Variants in STRN3 observed in about 807,000 individuals in gnomAD.
STRN3 encodes the protein striatin-3.
Under a neutral mutation model 95.6 loss-of-function variants are expected in STRN3, and 29 were observed. That is an observed-to-expected ratio of 0.30 (90% CI 0.23 to 0.41). The LOEUF is 0.41. Among genes scored for constraint, STRN3 ranks in the 10% least tolerant of loss-of-function variants. The pLI is 1.00. For synonymous variants in STRN3, 331 were observed against 357.6 expected (o/e 0.93, Z 0.84); for missense variants, 890 against 972.1 (o/e 0.92, Z 1.12).
chr14:30,930,647 T>C (rs1566441925), intron 7 of STRN3, among the ~76,000 whole-genome samples: 1 of 152,154 alleles, frequency 6.6e-6, no homozygotes, highest in African/African-American at 2.4e-5. Context: ...ACACCTAAGA[T>C]TATCTATCTG....
intron 16 of STRN3, among the ~76,000 whole-genome samples, chr14:30,898,954 T>G (rs1896231981): frequency 6.6e-6 from 1 of 152,196 alleles, no homozygotes; most frequent in South Asian, 2.1e-4. Flanking sequence ...ACTTAACTTC[T>G]TTAAGCCCTT....
chr14:30,913,490 A>G, intron 10 of STRN3, 34 bp downstream of exon 10: 1 of 1,549,372 alleles, frequency 6.5e-7, no homozygotes, highest in East Asian at 2.3e-5. Context: ...CTTCTATTAA[A>G]TCATTAAAAA....
chr14:30,896,055 A>C (rs1896138830), intron 16 of STRN3, among the ~76,000 whole-genome samples: 1 of 152,136 alleles, frequency 6.6e-6, no homozygotes, highest in African/African-American at 2.4e-5. Flanking sequence ...CCTGACCACT[A>C]ATCGACTCTT....
At chr14:30,976,197 T>C (rs1287006448) in intron 1 of STRN3, among the ~76,000 whole-genome samples, 2 of 152,020 alleles carry the variant, frequency 1.3e-5, no homozygotes, top group East Asian at 3.8e-4. Flanking sequence ...ACACAGAAAA[T>C]AACAAAAAGT....
At chr14:30,895,626 TAA>T (rs1896122651) in intron 17 of STRN3, 34 bp downstream of exon 17, 1 of 1,610,642 alleles carries the variant, frequency 6.2e-7, no homozygotes, top group Non-Finnish European at 8.5e-7. Flanking sequence ...CAATCTTTTA[TAA>T]AGTTTGTGGG....
At chr14:30,988,969 G>A (rs1049102399) in intron 1 of STRN3, among the ~76,000 whole-genome samples, 13 of 152,116 alleles carry the variant, frequency 8.5e-5, no homozygotes, top group Admixed American at 1.3e-4. Flanking sequence ...TCTTGCTCAC[G>A]GACACTGTCT....
At chr14:30,984,634 T>C (rs1465726065) in intron 1 of STRN3, among the ~76,000 whole-genome samples, 1 of 151,790 alleles carries the variant, frequency 6.6e-6, no homozygotes, top group Non-Finnish European at 1.5e-5. Context: ...AAAAATTAGC[T>C]GGGCGTGGTG....
intron 8 of STRN3, among the ~76,000 whole-genome samples, chr14:30,922,024 C>T (rs1164296764): frequency 6.6e-6 from 1 of 151,846 alleles, no homozygotes; most frequent in Admixed American, 6.6e-5. Context: ...GTAGCTGGGA[C>T]CACAGGCACG....
chr14:30,973,893 A>G (rs1359335118), intron 1 of STRN3, among the ~76,000 whole-genome samples: 1 of 152,230 alleles, frequency 6.6e-6, no homozygotes, highest in Non-Finnish European at 1.5e-5. Context: ...GTGTAGAAAA[A>G]GCACTGGACA....
chr14:30,911,489 G>A (rs1489134422), intron 12 of STRN3, among the ~76,000 whole-genome samples: 1 of 151,922 alleles, frequency 6.6e-6, no homozygotes, highest in African/African-American at 2.4e-5. Context: ...TTGTGGTAGA[G>A]ACGGAGTTTC....
intron 1 of STRN3, among the ~76,000 whole-genome samples, chr14:30,992,296 A>G (rs897960525): frequency 1.3e-5 from 2 of 151,868 alleles, no homozygotes; most frequent in Non-Finnish European, 2.9e-5. Flanking sequence ...CTATAATCCC[A>G]GCTACTCGGG....
chr14:30,993,773 A>T (rs961204328), intron 1 of STRN3, among the ~76,000 whole-genome samples: 1 of 151,934 alleles, frequency 6.6e-6, no homozygotes, highest in Non-Finnish European at 1.5e-5. Flanking sequence ...TCGGCCTCGC[A>T]GGTTCAAGCA....
chr14:30,976,255 T>C (rs574609730), intron 1 of STRN3, among the ~76,000 whole-genome samples: 1 of 152,216 alleles, frequency 6.6e-6, no homozygotes, highest in African/African-American at 2.4e-5. Context: ...TTTTTAAAAG[T>C]GGGAATAGTT....
chr14:31,000,763 T>TTAA (rs968993407), intron 1 of STRN3, among the ~76,000 whole-genome samples: 4 of 152,180 alleles, frequency 2.6e-5, no homozygotes, highest in African/African-American at 7.2e-5. Context: ...CCACTAGAAT[T>TTAA]TAAGCTTCAA....
At position 30,895,695 on chromosome 14, in the gene STRN3, C is replaced by T. The variant is rs769475839; in HGVS notation, c.2191G>A (p.Val731Ile). Residue 731 changes from valine to isoleucine, a missense_variant, in exon 17 of 18, where the codon GTA becomes ATA. By Grantham distance (29) the Val-to-Ile change is conservative. Around this residue, in one of 3 missense-constraint regions of STRN3, gnomAD observed 357 missense variants for 422.8 expected, o/e 0.84. Transcript: ENST00000357479. ...AHLDAVTSLAVDPNGIYLMSG... is the reference protein window; with the variant it reads ...AHLDAVTSLAIDPNGIYLMSG... ...ATCAAATAGATTCCATTAGGATCTA[C>T]TGCTAGACTTGTAACAGCATCCAAG... 1.2e-5 allele frequency: 19 copies of T among 1,614,050 alleles called. No individual in the cohort carries two copies. The highest frequency in any genetic ancestry group is 3.3e-5 in the Admixed American group (2 of 60,010).
intron 1 of STRN3, among the ~76,000 whole-genome samples, chr14:30,966,085 C>T (rs1042287285): frequency 6.6e-6 from 1 of 150,606 alleles, no homozygotes; most frequent in African/African-American, 2.5e-5. Context: ...CTGACCCCCG[C>T]CAAAGCACTC....
chr14:30,913,590 T>C lies in STRN3; in HGVS notation c.1308A>G (p.Leu436=), dbSNP rs1330236942. 1 of 1,613,916 alleles carries C rather than the reference T, an allele frequency of 6.2e-7. No individual in the cohort carries two copies. The highest frequency in any genetic ancestry group is 2.2e-5 in the East Asian group (1 of 44,860). ...SFIMGSDDVL[L]SVLGLGDLAD... Reference sequence around the variant, plus strand: ...CAAGGTCTCCAAGGCCCAGTACACTTAACAAAACATCATCAGAACCCATAA... The same window carrying C: ...CAAGGTCTCCAAGGCCCAGTACACTCAACAAAACATCATCAGAACCCATAA... Residue 436 remains leucine (L), a synonymous_variant, in exon 10 of 18, where the codon TTA becomes TTG. Transcript: ENST00000357479.
Position 31,026,187 on chromosome 14 carries a change from G to C in STRN3, c.-2C>G, listed in dbSNP as rs757208023. 1.9e-5 allele frequency: 27 copies of C among 1,456,390 alleles called. 1 individual carries two copies. In the South Asian group the frequency reaches 3.5e-4, roughly 19 times the overall value. 90.2% of individuals were successfully genotyped at this position (1,456,390 alleles called of 1,614,324 possible). A position where few individuals can be genotyped will look rare whatever the true frequency, so the allele number is the denominator to read the frequency against. ...ACCGCCTCCGGCAAGCTCGTCCATT[G>C]TGTGTGGGGCCCCGGCCGGGGCGCA... On this transcript the variant is annotated 5_prime_UTR_variant, in exon 1 of 18. Transcript: ENST00000357479.
At chr14:30,935,760 G>C (rs116036645) in intron 6 of STRN3, among the ~76,000 whole-genome samples, 2,625 of 152,140 alleles carry the variant, frequency 0.017, 62 homozygotes, top group African/African-American at 0.06. Flanking sequence ...AAATTAAAAG[G>C]ATCAAAATCT....
Sources: allele counts gnomAD v4.1 joint callset (sites outside exome capture counted in the v4.1 genomes callset), GRCh38; gene constraint gnomAD v4.1.1; regional missense constraint gnomAD v4.1.1; transcripts MANE v1.5; gene names NCBI Gene and HGNC (gene_info 2026-07-23, HGNC 2026-07-21).